The following NT5DC3 variants were observed in gnomAD, a reference collection of about 807,000 sequenced individuals.
The protein encoded by NT5DC3 is 5'-nucleotidase domain-containing protein 3.
A neutral mutation model predicts 67.8 loss-of-function variants in NT5DC3; 42 were observed. That is an observed-to-expected ratio of 0.62 (90% CI 0.48 to 0.80). The LOEUF (loss-of-function observed/expected upper bound fraction) is 0.80, where lower values mean the gene tolerates loss of function less well. Ranked by LOEUF, NT5DC3 falls within the 30% of genes least tolerant of loss-of-function variation. NT5DC3 has a pLI of 0.00. For missense variants in NT5DC3, 570 were observed against 696.4 expected (o/e 0.82, Z 2.04); for synonymous variants, 237 against 255.6 (o/e 0.93, Z 0.69).
chr12:103,814,922 T>G lies in NT5DC3; in HGVS notation c.393+15A>C. The G allele has an allele frequency of 1.3e-6, 2 of 1,584,910 alleles. No homozygotes were observed. The highest frequency in any genetic ancestry group is 1.7e-6 in the Non-Finnish European group (2 of 1,163,384). On this transcript the variant is annotated intron_variant, in intron 2 of 13. Coordinates refer to ENST00000392876, the MANE Select transcript of NT5DC3 (RefSeq NM_001031701.3). ...AAAGGGGAGGGAGAAGCCTGAAATG[T>G]CCCTGTGATCTTACCCGGTGTTCAT...
At chr12:103,820,430 G>T (rs992786480) in intron 1 of NT5DC3, among the ~76,000 whole-genome samples, 1 of 152,202 alleles carries the variant, frequency 6.6e-6, no homozygotes, top group African/African-American at 2.4e-5. Context: ...GAGAGAATAT[G>T]AAAGAAGGCA....
chr12:103,758,185 T>C, the NT5DC3 span: 1 of 1,614,050 alleles, frequency 6.2e-7, no homozygotes, highest in Non-Finnish European at 8.5e-7. Flanking sequence ...GCTGGCCTAT[T>C]CCAACAGCTC....
chr12:103,782,588 G>C (rs181592141), intron 12 of NT5DC3, among the ~76,000 whole-genome samples: 2 of 152,200 alleles, frequency 1.3e-5, no homozygotes, highest in Non-Finnish European at 2.9e-5. Flanking sequence ...GAAGCTTGCT[G>C]ACCTGTGGTC....
intron 12 of NT5DC3, among the ~76,000 whole-genome samples, chr12:103,783,761 A>C (rs907037174): frequency 7.3e-5 from 11 of 150,930 alleles, no homozygotes; most frequent in Admixed American, 6.7e-4. Flanking sequence ...AACTTTTTAC[A>C]CAGGTCAGAA....
chr12:103,841,004 CG>C lies in NT5DC3; in HGVS notation c.152del (p.Pro51ArgfsTer3). 1 of 1,307,502 alleles carries C rather than the reference CG, an allele frequency of 7.6e-7. No individual in the cohort carries two copies. The allele number at this position is 1,307,502 out of a possible 1,614,324, so 81.0% of individuals were successfully genotyped here. A position where few individuals can be genotyped will look rare whatever the true frequency, so the allele number is the denominator to read the frequency against. On this transcript the variant is annotated frameshift_variant, in exon 1 of 14. Coordinates refer to ENST00000392876, the MANE Select transcript of NT5DC3 (RefSeq NM_001031701.3). LOFTEE classifies it high-confidence loss of function. Reference sequence around the variant, plus strand: ...GCTCCCACAGGTAGCGCTTCATGTCCGGGGCGGTCCCGGGTGCAGTGCACAA... The same window carrying C: ...GCTCCCACAGGTAGCGCTTCATGTCCGGGCGGTCCCGGGTGCAGTGCACAA... ...RPLCTAPGTAPDMKRYLWERY... is the reference protein window; with the variant it reads ...RPLCTAPGTAXDMKRYLWERY...
chr12:103,806,197 AG>A lies in NT5DC3; in HGVS notation c.524+124del, dbSNP rs1886793450. Reference sequence around the variant, plus strand: ...AGGCCTCAACAAATGCTCTTGAGTAAGTGAGTGAATGAATGAATCATATTCA... The same window carrying A: ...AGGCCTCAACAAATGCTCTTGAGTAATGAGTGAATGAATGAATCATATTCA... On this transcript the variant is annotated intron_variant, in intron 4 of 13. Coordinates refer to ENST00000392876, the MANE Select transcript of NT5DC3 (RefSeq NM_001031701.3). 10 of 688,328 alleles carry A rather than the reference AG, an allele frequency of 1.5e-5. No homozygotes were observed. In the South Asian group the frequency reaches 1.7e-4, roughly 12 times the overall value. 42.6% of individuals were successfully genotyped at this position (688,328 alleles called of 1,614,324 possible). A position where few individuals can be genotyped will look rare whatever the true frequency, so the allele number is the denominator to read the frequency against.
chr12:103,758,517 C>T, the NT5DC3 span, among the ~76,000 whole-genome samples: 11 of 152,200 alleles, frequency 7.2e-5, no homozygotes, highest in Middle Eastern at 3.2e-3. Flanking sequence ...GAACTCTCAT[C>T]GTCCAACAGG....
At chr12:103,749,298 C>A in the NT5DC3 span, 3 of 1,000,228 alleles carry the variant, frequency 3.0e-6, no homozygotes, top group Non-Finnish European at 2.8e-6. Context: ...TGTTAAAAGT[C>A]ATTGGGCTAA....
At chr12:103,770,170 A>G (rs1398530539), downstream of NT5DC3, among the ~76,000 whole-genome samples, 1 of 152,252 alleles carries the variant, frequency 6.6e-6, no homozygotes, top group Non-Finnish European at 1.5e-5. Context: ...GAAAGAAAAC[A>G]GTTTATAATG....
chr12:103,784,262 C>T (rs997174176), intron 12 of NT5DC3, among the ~76,000 whole-genome samples: 5 of 152,264 alleles, frequency 3.3e-5, no homozygotes, highest in East Asian at 1.9e-4. Context: ...ACAAGCATAG[C>T]GAGGGAAACA....
chr12:103,759,380 C>G, the NT5DC3 span: 6 of 1,455,852 alleles, frequency 4.1e-6, no homozygotes, highest in Non-Finnish European at 5.5e-6. Flanking sequence ...AACATAAACT[C>G]TAAACCTGCA....
At chr12:103,835,609 T>C (rs924918820) in intron 1 of NT5DC3, among the ~76,000 whole-genome samples, 2 of 152,180 alleles carry the variant, frequency 1.3e-5, no homozygotes, top group Non-Finnish European at 2.9e-5. Flanking sequence ...CTAAATGTGC[T>C]AAGACTGATA....
chr12:103,833,974 C>T (rs777817997), intron 1 of NT5DC3, among the ~76,000 whole-genome samples: 17 of 152,186 alleles, frequency 1.1e-4, no homozygotes, highest in Admixed American at 3.3e-4. Context: ...CATTTTAGAA[C>T]GAGGATTCTC....
chr12:103,792,370 C>T (rs113257100), intron 9 of NT5DC3, among the ~76,000 whole-genome samples: 10,084 of 152,218 alleles, frequency 0.066, 1,103 homozygotes, highest in African/African-American at 0.23. Flanking sequence ...CACCCTGATG[C>T]TTCAAATCAC....
Position 103,775,349 on chromosome 12 carries a change from G to A in NT5DC3, c.*2480C>T, listed in dbSNP as rs916753200. On this transcript the variant is annotated 3_prime_UTR_variant, in exon 14 of 14. Transcript: ENST00000392876. ...CTTCAAAGCTTAGGTCACCTAACGT[G>A]AACACTCATGGAAACAGGTTTTAAA... The A allele has an allele frequency of 3.9e-5, 6 of 152,316 alleles. No individual in the cohort carries two copies. The highest frequency in any genetic ancestry group is 5.9e-5 in the Non-Finnish European group (4 of 68,022). The allele number at this position is 152,316 out of a possible 1,614,324, so 9.4% of individuals were successfully genotyped here. A position where few individuals can be genotyped will look rare whatever the true frequency, so the allele number is the denominator to read the frequency against.
downstream of NT5DC3, chr12:103,766,376 C>A: frequency 6.3e-7 from 1 of 1,580,096 alleles, no homozygotes; most frequent in Non-Finnish European, 8.6e-7. Context: ...TCACTGCCAC[C>A]TGGGCCATCA....
the NT5DC3 span, among the ~76,000 whole-genome samples, chr12:103,751,768 C>T: frequency 0.95 from 144,149 of 152,098 alleles, 68,336 homozygotes; most frequent in East Asian, 1. Flanking sequence ...TCTACCCAGA[C>T]CATAGAGTGT....
intron 13 of NT5DC3, among the ~76,000 whole-genome samples, chr12:103,778,858 C>T (rs946059305): frequency 1.1e-4 from 17 of 152,110 alleles, no homozygotes; most frequent in East Asian, 3.9e-4. Context: ...TCCATCAAAA[C>T]GACTCTGGTC....
intron 1 of NT5DC3, among the ~76,000 whole-genome samples, chr12:103,831,648 T>G (rs1430254480): frequency 6.6e-6 from 1 of 151,756 alleles, no homozygotes; most frequent in Non-Finnish European, 1.5e-5. Context: ...TCTCCAACAG[T>G]GTGTGTGTGT....
Sources: allele counts gnomAD v4.1 joint callset (sites outside exome capture counted in the v4.1 genomes callset), GRCh38; gene constraint gnomAD v4.1.1; transcripts MANE v1.5; gene names NCBI Gene and HGNC (gene_info 2026-07-23, HGNC 2026-07-21).